Variants in THBS2 observed in about 807,000 individuals in gnomAD.
THBS2 encodes thrombospondin-2.
Under a neutral mutation model 135.2 loss-of-function variants are expected in THBS2, and 47 were observed. The ratio of observed to expected loss-of-function variants is 0.35; its 90% CI spans 0.28 to 0.44. The LOEUF is 0.44. Among genes scored for constraint, THBS2 ranks in the 20% least tolerant of loss-of-function variants. The pLI is 1.00. For missense variants in THBS2, 1,288 were observed against 1,603.1 expected (o/e 0.80, Z 3.36); for synonymous variants, 639 against 633.8 (o/e 1.01, Z -0.12).
intron 21 of THBS2, among the ~76,000 whole-genome samples, chr6:169,219,049 A>G (rs1185083418): frequency 5.1e-5 from 7 of 138,454 alleles, no homozygotes; most frequent in African/African-American, 1.4e-4. Flanking sequence ...AGGTGGGTGG[A>G]TGAGATGGAT....
chr6:169,233,067 A>G, intron 10 of THBS2, 50 bp from the exon 11 acceptor site: 1 of 1,460,440 alleles, frequency 6.8e-7, no homozygotes, highest in East Asian at 2.5e-5. Context: ...TGCGCAGCAC[A>G]GAAGGAAGCC....
In THBS2 at chr6:169,248,730, G is replaced by A. The variant is rs369355659; in HGVS notation, c.296C>T (p.Thr99Met). 3.1e-6 allele frequency: 5 copies of A among 1,613,694 alleles called. No homozygotes were observed. The highest frequency in any genetic ancestry group is 2.2e-5 in the South Asian group (2 of 91,066). Residue 99 changes from threonine (T) to methionine (M), a missense_variant, in exon 3 of 22, where the codon ACG becomes ATG. Around this residue, in one of 2 missense-constraint regions of THBS2, gnomAD observed 414 missense variants for 447.0 expected, o/e 0.93. Coordinates refer to ENST00000617924, the MANE Select transcript of THBS2 (RefSeq NM_003247.5). The part of the protein sequence containing the change: ...QLKQDGKSRG[T>M]LLALEGPGLS... ...ACCGGGGCCCTCCAGAGCCAACAGC[G>A]TGCCCCTGGACTTGCCGTCCTGCTT...
At chr6:169,244,341 C>CA (rs1382897067) in intron 4 of THBS2, among the ~76,000 whole-genome samples, 2 of 146,494 alleles carry the variant, frequency 1.4e-5, no homozygotes, top group African/African-American at 5.0e-5. Flanking sequence ...CACACACACA[C>CA]AAGGTGTTTG....
intron 4 of THBS2, 30 bp downstream of exon 4, chr6:169,246,166 AT>A (rs753928105): frequency 1.4e-4 from 213 of 1,566,834 alleles, no homozygotes; most frequent in Non-Finnish European, 1.8e-4. Flanking sequence ...CCAAGCCAGT[AT>A]ATAAAATGCA....
chr6:169,217,802 G>A lies in THBS2; in HGVS notation c.*20C>T, dbSNP rs763405590. The A allele has an allele frequency of 1.5e-5, 24 of 1,610,868 alleles. No individual in the cohort carries two copies. The highest frequency in any genetic ancestry group is 2.2e-5 in the East Asian group (1 of 44,848). ...ACCATGGCATGCACAGGGCATTGCC[G>A]GAAATGCAGCAAATCTTGTTTAAAT... On this transcript the variant is annotated 3_prime_UTR_variant, in exon 22 of 22. Transcript: ENST00000617924.
intron 15 of THBS2, among the ~76,000 whole-genome samples, chr6:169,227,167 C>T: frequency 6.6e-6 from 1 of 152,138 alleles, no homozygotes; most frequent in African/African-American, 2.4e-5. Flanking sequence ...TGGGGTGGCT[C>T]AGAAAGGGGG....
At chr6:169,229,755 AC>A in intron 13 of THBS2, 76 bp from the exon 14 acceptor site, 1 of 1,220,964 alleles carries the variant, frequency 8.2e-7, no homozygotes, top group Non-Finnish European at 1.2e-6. Flanking sequence ...GTGAAATGAA[AC>A]CAGCATGGCG....
At chr6:169,247,576 G>T (rs1310753948) in intron 3 of THBS2, among the ~76,000 whole-genome samples, 1 of 152,116 alleles carries the variant, frequency 6.6e-6, no homozygotes, top group African/African-American at 2.4e-5. Context: ...ATGTAAATGT[G>T]ATGTGTGTGA....
Position 169,217,416 on chromosome 6 carries a change from T to C in THBS2, c.*406A>G, listed in dbSNP as rs561443774. 1 of 183,394 alleles carries C rather than the reference T, an allele frequency of 5.5e-6. No individual in the cohort carries two copies. Among genetic ancestry groups the C allele is most frequent in the East Asian group, 1.3e-4 (1 of 7,550 alleles). The allele number at this position is 183,394 out of a possible 1,614,324, so 11.4% of individuals were successfully genotyped here. On this transcript the variant is annotated 3_prime_UTR_variant, in exon 22 of 22. Coordinates refer to ENST00000617924, the MANE Select transcript of THBS2 (RefSeq NM_003247.5). Reference sequence around the variant, plus strand: ...GCACCAAAAGTAGTTCAGCAATATTTTTCATGCTTAATTTATCATAATGGC... The same window carrying C: ...GCACCAAAAGTAGTTCAGCAATATTCTTCATGCTTAATTTATCATAATGGC...
intron 15 of THBS2, among the ~76,000 whole-genome samples, chr6:169,227,173 G>T (rs1015784019): frequency 2.6e-5 from 4 of 152,152 alleles, no homozygotes; most frequent in Admixed American, 1.3e-4. Flanking sequence ...GGCTCAGAAA[G>T]GGGGTGGCTG....
chr6:169,224,186 C>G (rs1197583757), intron 17 of THBS2, among the ~76,000 whole-genome samples: 1 of 152,198 alleles, frequency 6.6e-6, no homozygotes, highest in Admixed American at 6.5e-5. Context: ...TATTCTTCAA[C>G]TAGTTTCCGT....
Position 169,225,301 on chromosome 6 carries a change from GGTT to G in THBS2, c.2614_2616del (p.Asn872del), listed in dbSNP as rs768907502. 1 of 1,592,948 alleles carries G rather than the reference GGTT, an allele frequency of 6.3e-7. No individual in the cohort carries two copies. Among genetic ancestry groups the G allele is most frequent in the South Asian group, 1.1e-5 (1 of 88,822 alleles). ...TTGGAGATGTAGGGGCAGTTGTCCT[GGTT>G]GTTCTGGTGGCCGTCGTCATCTATG... is the stretch of plus-strand genomic sequence containing the variant. On this transcript the variant is annotated inframe_deletion, in exon 17 of 22. Coordinates refer to ENST00000617924, the MANE Select transcript of THBS2 (RefSeq NM_003247.5).
intron 16 of THBS2, 110 bp downstream of exon 16, chr6:169,226,070 G>C: frequency 1.6e-6 from 2 of 1,266,832 alleles, no homozygotes; most frequent in Non-Finnish European, 2.3e-6. Context: ...CCCTCATCTG[G>C]TCAGGGTTGT....
At position 169,219,396 on chromosome 6, in the gene THBS2, G is replaced by C. The variant is rs147952634; in HGVS notation, c.3511+802C>G. 1.3e-3 allele frequency among the ~76,000 whole-genome samples: 203 copies of C among 151,582 alleles called. 2 individuals carry two copies. The highest frequency in any genetic ancestry group is 4.7e-3 in the African/African-American group (192 of 41,214). On this transcript the variant is annotated intron_variant, in intron 21 of 21. Coordinates refer to ENST00000617924, the MANE Select transcript of THBS2 (RefSeq NM_003247.5). ...AGATGGGTGGATGAATGGATGGATG[G>C]ATGGGTGGATGGATGAGATATATGG... is the stretch of plus-strand genomic sequence containing the variant.
At chr6:169,236,101 A>T (rs1252003862) in intron 9 of THBS2, among the ~76,000 whole-genome samples, 1 of 65,202 alleles carries the variant, frequency 1.5e-5, no homozygotes, top group Admixed American at 1.7e-4. Context: ...ATCCACACTC[A>T]CTCCCCATCC....
intron 17 of THBS2, 54 bp downstream of exon 17, chr6:169,225,091 C>A (rs1359889161): frequency 2.6e-6 from 4 of 1,551,858 alleles, no homozygotes; most frequent in Non-Finnish European, 3.6e-6. Flanking sequence ...TCTGCCCTGG[C>A]GGGTTGCTCA....
chr6:169,219,226 TGG>T (rs1398555002), intron 21 of THBS2, among the ~76,000 whole-genome samples: 8 of 136,078 alleles, frequency 5.9e-5, no homozygotes, highest in Non-Finnish European at 9.4e-5. Flanking sequence ...GATGAGTGGG[TGG>T]GTGGGTGGAT....
intron 4 of THBS2, among the ~76,000 whole-genome samples, chr6:169,245,043 C>T (rs1780495554): frequency 1.3e-5 from 2 of 152,240 alleles, no homozygotes; most frequent in Non-Finnish European, 2.9e-5. Flanking sequence ...TCACATATTC[C>T]TGATGTATAG....
At chr6:169,239,717 C>T in intron 6 of THBS2, 22 bp from the exon 7 acceptor site, 1 of 1,554,016 alleles carries the variant, frequency 6.4e-7, no homozygotes, top group Non-Finnish European at 8.8e-7. Context: ...GAAAGGCATG[C>T]ATGGAACACT....
Sources: allele counts gnomAD v4.1 joint callset (sites outside exome capture counted in the v4.1 genomes callset), GRCh38; gene constraint gnomAD v4.1.1; regional missense constraint gnomAD v4.1.1; transcripts MANE v1.5; gene names NCBI Gene and HGNC (gene_info 2026-07-23, HGNC 2026-07-21).